Variants in FRMD4A observed in about 807,000 individuals in gnomAD.
The protein encoded by FRMD4A is FERM domain containing 4A, also known as FERM domain-containing protein 4A.
FRMD4A carries 29 observed loss-of-function variants against 129.1 expected under a neutral mutation model. That is an observed-to-expected ratio of 0.22 (90% CI 0.17 to 0.31). The LOEUF (loss-of-function observed/expected upper bound fraction) is 0.31, where lower values mean the gene tolerates loss of function less well. Ranked by LOEUF, FRMD4A falls within the 10% of genes least tolerant of loss-of-function variation. The pLI, the probability that FRMD4A is intolerant of heterozygous loss-of-function variation, is 1.00. For missense variants in FRMD4A, 1,272 were observed against 1,375.8 expected (o/e 0.92, Z 1.19); for synonymous variants, 634 against 571.6 (o/e 1.11, Z -1.56).
chr10:13,820,108 C>T (rs902944941), intron 3 of FRMD4A, among the ~76,000 whole-genome samples: 1 of 152,138 alleles, frequency 6.6e-6, no homozygotes, highest in East Asian at 1.9e-4. Flanking sequence ...GGCGAGGAAC[C>T]CCAGTCACTA....
At chr10:13,837,400 G>GC (rs963504252) in intron 3 of FRMD4A, among the ~76,000 whole-genome samples, 2 of 152,166 alleles carry the variant, frequency 1.3e-5, no homozygotes, top group African/African-American at 4.8e-5. Context: ...TCGAGTGCTG[G>GC]CCTCTCCCAT....
Position 13,660,548 on chromosome 10 carries a change from A to G in FRMD4A, c.1666T>C (p.Ser556Pro), listed in dbSNP as rs1339764908. The G allele has an allele frequency of 1.3e-6, 2 of 1,587,258 alleles. No homozygotes were observed. The highest frequency in any genetic ancestry group is 1.7e-6 in the Non-Finnish European group (2 of 1,158,450). The change falls in exon 20 of 25, where the codon TCT (serine) becomes CCT (proline). Residue 556 changes from serine (S) to proline (P), a missense_variant. Physicochemically the swap from Ser to Pro is moderately conservative, Grantham distance 74. This residue lies in a region of FRMD4A where 972 missense variants were observed against 892.3 expected (regional missense o/e 1.09). Coordinates refer to ENST00000357447, the MANE Select transcript of FRMD4A (RefSeq NM_018027.5). The part of the protein sequence containing the change: ...SDALVLEDED[S>P]QVTSTISPLH... ...GGGGATATTGTGCTGGTAACCTGAGAGTCTTCTGCACAAAGACAGGAAGAG... is the reference window on the plus strand; with the variant it reads ...GGGGATATTGTGCTGGTAACCTGAGGGTCTTCTGCACAAAGACAGGAAGAG...
chr10:14,030,195 GA>G (rs1306165055), intron 2 of FRMD4A, among the ~76,000 whole-genome samples: 1 of 152,208 alleles, frequency 6.6e-6, no homozygotes, highest in African/African-American at 2.4e-5. Context: ...CGATGTGACT[GA>G]GTTAACAATG....
chr10:14,005,983 C>T (rs1174073138), intron 2 of FRMD4A, among the ~76,000 whole-genome samples: 1 of 152,154 alleles, frequency 6.6e-6, no homozygotes, highest in Admixed American at 6.5e-5. Context: ...GCCCTTAGAG[C>T]CGCTGATGGA....
At chr10:14,020,106 C>T (rs1398418654) in intron 2 of FRMD4A, among the ~76,000 whole-genome samples, 1 of 152,194 alleles carries the variant, frequency 6.6e-6, no homozygotes. Context: ...AAGAGCCATT[C>T]GTGTGCTTGG....
At chr10:13,738,983 A>G (rs958910260) in intron 11 of FRMD4A, among the ~76,000 whole-genome samples, 4 of 152,182 alleles carry the variant, frequency 2.6e-5, no homozygotes, top group Non-Finnish European at 5.9e-5. Flanking sequence ...ATATTCAAAT[A>G]GGATGATTCT....
chr10:13,864,769 G>A (rs1436417248), intron 2 of FRMD4A, among the ~76,000 whole-genome samples: 1 of 151,772 alleles, frequency 6.6e-6, no homozygotes, highest in African/African-American at 2.4e-5. Flanking sequence ...TAGAGATGGG[G>A]TTTCACCATG....
Position 14,162,225 on chromosome 10 carries a change from G to A in FRMD4A, c.45+167833C>T, listed in dbSNP as rs557905456. On this transcript the variant is annotated intron_variant, in intron 2 of 24. Transcript: ENST00000357447. ...GGCTCGATAGTCACATGCAGTTAGC[G>A]GCCACCACACTAGACAAGGCATCTC... is the stretch of plus-strand genomic sequence containing the variant. Among the ~76,000 whole-genome samples the A allele has an allele frequency of 1.5e-4, 23 of 152,162 alleles. 1 individual carries two copies. The South Asian group carries it at 3.7e-3, about 25-fold the overall frequency.
chr10:13,747,758 C>T lies in FRMD4A; in HGVS notation c.526G>A (p.Glu176Lys). 1 of 1,598,208 alleles carries T rather than the reference C, an allele frequency of 6.3e-7. No individual in the cohort carries two copies. Among genetic ancestry groups the T allele is most frequent in the Non-Finnish European group, 8.6e-7 (1 of 1,165,844 alleles). ...LPALPTQALK[E>K]HPSLAYCEDR... ...TACCAGTAGGCCAGGGAAGGGTGCT[C>T]CTTCAGGGCTTGGGTGGGAAGGGCT... Residue 176 changes from glutamate (E) to lysine (K), a missense_variant, in exon 9 of 25, where the codon GAG becomes AAG. Around this residue, in one of 2 missense-constraint regions of FRMD4A, gnomAD observed 300 missense variants for 483.6 expected, o/e 0.62. Coordinates refer to ENST00000357447, the MANE Select transcript of FRMD4A (RefSeq NM_018027.5).
At chr10:13,750,252 C>A (rs1490299857) in intron 8 of FRMD4A, among the ~76,000 whole-genome samples, 1 of 152,066 alleles carries the variant, frequency 6.6e-6, no homozygotes, top group African/African-American at 2.4e-5. Flanking sequence ...TGAATCAATC[C>A]ATCCAAGTAC....
rs113881120 is a variant in FRMD4A at position 14,275,520 on chromosome 10, A to C, written c.45+54538T>G. Reference sequence around the variant, plus strand: ...GGCACAAATGTTAGGCAGTGCAAAGAAAGGGAGAAAGGATGAAGAAAAACA... The same window carrying C: ...GGCACAAATGTTAGGCAGTGCAAAGCAAGGGAGAAAGGATGAAGAAAAACA... On this transcript the variant is annotated intron_variant, in intron 2 of 24. Coordinates refer to ENST00000357447, the MANE Select transcript of FRMD4A (RefSeq NM_018027.5). 3.4e-3 allele frequency among the ~76,000 whole-genome samples: 523 copies of C among 152,358 alleles called. 2 individuals carry two copies. The highest frequency in any genetic ancestry group is 0.01 in the Middle Eastern group (3 of 294).
At position 14,076,601 on chromosome 10, in the gene FRMD4A, C is replaced by A. The variant is rs182268901; in HGVS notation, c.46-217689G>T. ...CTTGCAGTGAGCTGAGATCACGCCA[C>A]TGCACTCCAGCCTGGGCGACAGAGC... On this transcript the variant is annotated intron_variant, in intron 2 of 24. Coordinates refer to ENST00000357447, the MANE Select transcript of FRMD4A (RefSeq NM_018027.5). Among the ~76,000 whole-genome samples the A allele has an allele frequency of 4.4e-3, 674 of 151,840 alleles. 1 individual carries two copies. Among genetic ancestry groups the A allele is most frequent in the Middle Eastern group, 0.014 (4 of 294 alleles).
At chr10:13,706,957 C>T (rs757408484) in intron 13 of FRMD4A, 80 bp downstream of exon 13, 5 of 778,032 alleles carry the variant, frequency 6.4e-6, no homozygotes, top group Non-Finnish European at 1.2e-5. Flanking sequence ...CCATGAACAA[C>T]GACAGCCCCA....
chr10:13,779,941 G>A (rs998615275), intron 6 of FRMD4A, among the ~76,000 whole-genome samples: 55 of 152,276 alleles, frequency 3.6e-4, no homozygotes, highest in Middle Eastern at 6.8e-3. Context: ...GCCCTAAGGG[G>A]GTGTGACGGA....
At chr10:13,746,584 G>A (rs897239414) in intron 9 of FRMD4A, among the ~76,000 whole-genome samples, 8 of 152,152 alleles carry the variant, frequency 5.3e-5, no homozygotes, top group Non-Finnish European at 7.4e-5. Flanking sequence ...GTCTGGATAA[G>A]TGTCCAGACA....
intron 2 of FRMD4A, among the ~76,000 whole-genome samples, chr10:14,127,980 T>TTTCTTTCTTTCTCTCTC (rs1564319427): frequency 5.2e-5 from 1 of 19,358 alleles, no homozygotes; most frequent in Non-Finnish European, 1.0e-4. Context: ...CTTTCTTTCC[T>TTTCTTTCTTTCTCTCTC]TCTCTCTCTC....
chr10:13,914,305 G>A (rs1283089168), intron 2 of FRMD4A, among the ~76,000 whole-genome samples: 3 of 152,104 alleles, frequency 2.0e-5, no homozygotes, highest in African/African-American at 4.8e-5. Context: ...CCATATACAA[G>A]GAATGTCAAT....
chr10:14,116,655 T>C (rs1220961083), intron 2 of FRMD4A, among the ~76,000 whole-genome samples: 1 of 152,196 alleles, frequency 6.6e-6, no homozygotes, highest in African/African-American at 2.4e-5. Context: ...ACCCCATTTA[T>C]AGCAGCTTTA....
chr10:14,122,618 G>A (rs1838593199), intron 2 of FRMD4A, among the ~76,000 whole-genome samples: 1 of 151,636 alleles, frequency 6.6e-6, no homozygotes, highest in Non-Finnish European at 1.5e-5. Flanking sequence ...GGGTAGGGGA[G>A]GGCTGCTACA....
Sources: gnomAD v4.1 joint callset for allele counts (sites outside exome capture counted in the v4.1 genomes callset) on GRCh38, gnomAD v4.1.1 for gene constraint, gnomAD v4.1.1 regional missense constraint, MANE v1.5 for transcripts, NCBI Gene and HGNC (gene_info 2026-07-23, HGNC 2026-07-21) for gene names.